The following SLC17A7 variants were observed in gnomAD, a reference collection of about 807,000 sequenced individuals.
SLC17A7 encodes vesicular glutamate transporter 1.
SLC17A7 carries 15 observed loss-of-function variants against 59.1 expected under a neutral mutation model. That is an observed-to-expected ratio of 0.25 (90% CI 0.17 to 0.39). SLC17A7 has a LOEUF of 0.39. Ranked by LOEUF, SLC17A7 falls within the 10% of genes least tolerant of loss-of-function variation. The pLI, the probability that SLC17A7 is intolerant of heterozygous loss-of-function variation, is 1.00. For missense variants in SLC17A7, 499 were observed against 765.1 expected, an observed-to-expected ratio of 0.65 and a Z score of 4.10; for synonymous variants, 353 against 308.9, an observed-to-expected ratio of 1.14 and a Z score of -1.50.
chr19:49,429,438 G>A lies in SLC17A7; in HGVS notation c.*1081C>T, dbSNP rs1490056861. 5.0e-6 allele frequency: 2 copies of A among 399,050 alleles called. No homozygotes were observed. Among genetic ancestry groups the A allele is most frequent in the Admixed American group, 4.4e-5 (1 of 22,706 alleles). The allele number at this position is 399,050 out of a possible 1,614,324, so 24.7% of individuals were successfully genotyped here. On this transcript the variant is annotated 3_prime_UTR_variant, in exon 12 of 12. Transcript: ENST00000221485. ...AAGCTTTTATTGGGAGTGGGGCAGG[G>A]CAGGATTTACAGTCACAGAGACAGA... is the stretch of plus-strand genomic sequence containing the variant.
intron 9 of SLC17A7, among the ~76,000 whole-genome samples, chr19:49,432,173 C>T (rs534246328): frequency 6.6e-6 from 1 of 152,308 alleles, no homozygotes; most frequent in Admixed American, 6.5e-5. Context: ...TCTCCAGGTG[C>T]CTTGCTCTTA....
Position 49,436,993 on chromosome 19 carries a change from C to T in SLC17A7, c.63-192G>A, listed in dbSNP as rs2078982405. 9 of 801,064 alleles carry T rather than the reference C, an allele frequency of 1.1e-5. No individual in the cohort carries two copies. In the East Asian group the frequency reaches 1.9e-4, roughly 17 times the overall value. The allele number at this position is 801,064 out of a possible 1,614,324, so 49.6% of individuals were successfully genotyped here. A position where few individuals can be genotyped will look rare whatever the true frequency, so the allele number is the denominator to read the frequency against. On this transcript the variant is annotated intron_variant, in intron 1 of 11. Coordinates refer to ENST00000221485, the MANE Select transcript of SLC17A7 (RefSeq NM_020309.4). This position sits in a 1 kb window ranked among gnomAD's most constrained non-coding sequence, Gnocchi z 4.1. ...CAGAAATCCTCCATCTCCCTCAGAC[C>T]GGGAATTCAGGCCCCCAGCCCCCTC...
chr19:49,435,293 G>A lies in SLC17A7; in HGVS notation c.316-7C>T, dbSNP rs2078975893. 6.2e-6 allele frequency: 10 copies of A among 1,604,546 alleles called. No individual in the cohort carries two copies. Among genetic ancestry groups the A allele is most frequent in the Non-Finnish European group, 8.5e-6 (10 of 1,171,536 alleles). On this transcript the variant is annotated splice_region_variant and splice_polypyrimidine_tract_variant and intron_variant, in intron 2 of 11. Coordinates refer to ENST00000221485, the MANE Select transcript of SLC17A7 (RefSeq NM_020309.4). Reference sequence around the variant, plus strand: ...CCCAGCTGAACTGGGCTTTCTGCGGGCCAAAATGTACATTAAATCAGCCGC... The same window carrying A: ...CCCAGCTGAACTGGGCTTTCTGCGGACCAAAATGTACATTAAATCAGCCGC...
At chr19:49,434,387 C>G (rs1054965834) in intron 5 of SLC17A7, among the ~76,000 whole-genome samples, 1 of 151,298 alleles carries the variant, frequency 6.6e-6, no homozygotes, top group Non-Finnish European at 1.5e-5. Context: ...CCCTCAGACC[C>G]AAGAGTCCAG....
At chr19:49,440,709 C>T in intron 1 of SLC17A7, among the ~76,000 whole-genome samples, 1 of 152,120 alleles carries the variant, frequency 6.6e-6, no homozygotes, top group East Asian at 1.9e-4. Context: ...CGGAAAAAGA[C>T]ACAGAGAGAC....
chr19:49,435,730 T>A (rs2078977474), intron 2 of SLC17A7: 1 of 158,244 alleles, frequency 6.3e-6, no homozygotes, highest in South Asian at 1.9e-4. Context: ...AAATCAGGAC[T>A]CTTTTCTGAT....
chr19:49,435,465 T>C, intron 2 of SLC17A7, 179 bp from the exon 3 acceptor site: 1 of 577,602 alleles, frequency 1.7e-6, no homozygotes, highest in Non-Finnish European at 3.1e-6. Flanking sequence ...CAAACTCCGC[T>C]CTTCCACGTT....
Position 49,434,877 on chromosome 19 carries a change from A to T in SLC17A7, c.440T>A (p.Phe147Tyr). 6.2e-7 allele frequency: 1 copy of T among 1,613,096 alleles called. No homozygotes were observed. Among genetic ancestry groups the T allele is most frequent in the South Asian group, 1.1e-5 (1 of 90,924 alleles). ...GGATGTTGCCACAATAGCAAAGCCG[A>T]AAACTCTGATGGGAAGGGTCAGAGA... The part of the protein sequence containing the change: ...ICQKFAANRV[F>Y]GFAIVATSTL... The change falls in exon 4 of 12, where the codon TTC becomes TAC. Residue 147 changes from phenylalanine to tyrosine, a missense_variant. Phe to Tyr is a conservative substitution (Grantham distance 22). Transcript: ENST00000221485.
Position 49,436,720 on chromosome 19 carries a change from G to A in SLC17A7, c.144C>T (p.Asp48=), listed in dbSNP as rs776209499. The A allele has an allele frequency of 6.2e-7, 1 of 1,612,426 alleles. No homozygotes were observed. Among genetic ancestry groups the A allele is most frequent in the Non-Finnish European group, 8.5e-7 (1 of 1,179,954 alleles). The change falls in exon 2 of 12, where the codon GAC becomes GAT. Residue 48 remains aspartate (D), a synonymous_variant. Transcript: ENST00000221485. The surrounding 1 kb of genome is among the most constrained non-coding windows in gnomAD (Gnocchi z 4.1). ...AGCAGGTGCAGTCCACCACCGGCGG[G>A]TCCCGGGTCTGCGTGGTCACCGGGC... ...DGRPVTTQTR[D]PPVVDCTCFG... is the part of the protein sequence containing the mutation.
chr19:49,430,547 C>G lies in SLC17A7; in HGVS notation c.1655G>C (p.Arg552Thr). 6.3e-7 allele frequency: 1 copy of G among 1,586,774 alleles called. No individual in the cohort carries two copies. The highest frequency in any genetic ancestry group is 1.4e-5 in the African/African-American group (1 of 73,060). Residue 552 changes from arginine (R) to threonine (T), a missense_variant, in exon 12 of 12, where the codon AGG (arginine) becomes ACG (threonine). By Grantham distance (71) the Arg-to-Thr change is moderately conservative. Coordinates refer to ENST00000221485, the MANE Select transcript of SLC17A7 (RefSeq NM_020309.4). ...GTAGTCCCGGACAGGGGGTGGGGGC[C>G]TGGGGGGCTGAAATGTGCTGTGTGT... Reference protein sequence around the residue: ...GATHSTFQPPRPPPPVRDY With the variant: ...GATHSTFQPPTPPPPVRDY
chr19:49,432,957 AC>A lies in SLC17A7; in HGVS notation c.870del (p.Lys290AsnfsTer51). The A allele has an allele frequency of 6.2e-7, 1 of 1,606,590 alleles. No individual in the cohort carries two copies. Among genetic ancestry groups the A allele is most frequent in the Non-Finnish European group, 8.5e-7 (1 of 1,176,844 alleles). On this transcript the variant is annotated frameshift_variant and splice_region_variant, in exon 8 of 12. Transcript: ENST00000221485. LOFTEE classifies it high-confidence loss of function. ...ESAKLMNPLT[K>X]FSTPWRRFFT... ...AAGAAGCGCCGCCAGGGAGTGCTAA[AC>A]TTCTGTGGGGGCGAGGGGAGGGCCG...
intron 1 of SLC17A7, 26 bp downstream of exon 1, chr19:49,441,292 T>G: frequency 1.2e-6 from 2 of 1,605,700 alleles, no homozygotes; most frequent in East Asian, 2.2e-5. Flanking sequence ...CTCCCACTCT[T>G]CTCCCGGGAC....
chr19:49,433,997 C>T lies in SLC17A7; in HGVS notation c.687G>A (p.Val229=), dbSNP rs1227937825. Residue 229 remains valine, a synonymous_variant, in exon 6 of 12, where the codon GTG becomes GTA. Coordinates refer to ENST00000221485, the MANE Select transcript of SLC17A7 (RefSeq NM_020309.4). This position sits in a 1 kb window ranked among gnomAD's most constrained non-coding sequence, Gnocchi z 5.7. ...VVAMPLAGVL[V]QYSGWSSVFY... The stretch of plus-strand genomic sequence containing the variant: ...AAACAGAGCTCCATCCTGAGTACTG[C>T]ACAAGGACCCCGGCGAGGGGCATCG... 6.2e-7 allele frequency: 1 copy of T among 1,613,494 alleles called. No homozygotes were observed. Among genetic ancestry groups the T allele is most frequent in the Non-Finnish European group, 8.5e-7 (1 of 1,179,958 alleles).
chr19:49,440,404 C>A (rs1386390197), intron 1 of SLC17A7, among the ~76,000 whole-genome samples: 1 of 152,140 alleles, frequency 6.6e-6, no homozygotes, highest in African/African-American at 2.4e-5. Flanking sequence ...TGACTTAGAG[C>A]CAAAGCTGGG....
In SLC17A7 at chr19:49,433,875, G is replaced by A. The variant is rs780679514; in HGVS notation, c.725-7C>T. The A allele has an allele frequency of 2.5e-6, 4 of 1,611,174 alleles. No homozygotes were observed. The highest frequency in any genetic ancestry group is 2.5e-6 in the Non-Finnish European group (3 of 1,178,008). On this transcript the variant is annotated splice_polypyrimidine_tract_variant and splice_region_variant and intron_variant, in intron 6 of 11. Coordinates refer to ENST00000221485, the MANE Select transcript of SLC17A7 (RefSeq NM_020309.4). This position sits in a 1 kb window ranked among gnomAD's most constrained non-coding sequence, Gnocchi z 5.7. The stretch of plus-strand genomic sequence containing the variant: ...CAGAAGATCCCGAAGCTGCCTGGGG[G>A]GGTCAGGAGGGGGATGGGAGCGAGG...
In SLC17A7 at chr19:49,433,804, G is replaced by A. The variant is rs971488971; in HGVS notation, c.789C>T (p.His263=). ...LLVSYESPAL[H]PSISEEERKY... is the part of the protein sequence containing the mutation. The stretch of plus-strand genomic sequence containing the variant: ...TGCGCTCCTCCTCCGAGATGCTGGG[G>A]TGCAGCGCGGGGGACTCGTAGGAGA... The change falls in exon 7 of 12, where the codon CAC becomes CAT. Residue 263 remains histidine (H), a synonymous_variant. Transcript: ENST00000221485. The surrounding 1 kb of genome is among the most constrained non-coding windows in gnomAD (Gnocchi z 5.7). 1.2e-5 allele frequency: 19 copies of A among 1,613,890 alleles called. No individual in the cohort carries two copies. The highest frequency in any genetic ancestry group is 1.4e-5 in the Non-Finnish European group (16 of 1,179,962).
chr19:49,432,782 C>T, intron 8 of SLC17A7, 29 bp downstream of exon 8: 8 of 1,586,328 alleles, frequency 5.0e-6, no homozygotes, highest in East Asian at 2.3e-5. Flanking sequence ...CCCCTCCGCG[C>T]CCCCCTGCCC....
In SLC17A7 at chr19:49,432,743, CG is replaced by C. The variant is rs2078965678; in HGVS notation, c.1017+67del. 4.4e-6 allele frequency: 7 copies of C among 1,598,574 alleles called. No homozygotes were observed. In the South Asian group the frequency reaches 7.8e-5, roughly 18 times the overall value. On this transcript the variant is annotated intron_variant, in intron 8 of 11. Coordinates refer to ENST00000221485, the MANE Select transcript of SLC17A7 (RefSeq NM_020309.4). ...GTGCACCACCGGCTCCTCCCTGCCT[CG>C]GGATCGCCGCCAGTTCCCTCCCGCC...
Position 49,436,598 on chromosome 19 carries a change from G to C in SLC17A7, c.266C>G (p.Ser89Cys). ...GTGGGTCGTGCTGTTATTGACCATGGAGACGATGGCCACGCCCAGGTTGCA... is the reference window on the plus strand; with the variant it reads ...GTGGGTCGTGCTGTTATTGACCATGCAGACGATGGCCACGCCCAGGTTGCA... Reference protein sequence around the residue: ...IRCNLGVAIVSMVNNSTTHRG... With the variant: ...IRCNLGVAIVCMVNNSTTHRG... Residue 89 changes from serine (S) to cysteine (C), a missense_variant, in exon 2 of 12, where the codon TCC becomes TGC. By Grantham distance (112) the Ser-to-Cys change is moderately radical (BLOSUM62 -1). Coordinates refer to ENST00000221485, the MANE Select transcript of SLC17A7 (RefSeq NM_020309.4). The surrounding 1 kb of genome is among the most constrained non-coding windows in gnomAD (Gnocchi z 4.1). 1 of 1,614,000 alleles carries C rather than the reference G, an allele frequency of 6.2e-7. No homozygotes were observed. The highest frequency in any genetic ancestry group is 8.5e-7 in the Non-Finnish European group (1 of 1,180,006).
Sources: allele counts gnomAD v4.1 joint callset (sites outside exome capture counted in the v4.1 genomes callset), GRCh38; gene constraint gnomAD v4.1.1; non-coding constraint Gnocchi (gnomAD v3.1); transcripts MANE v1.5; gene names NCBI Gene and HGNC (gene_info 2026-07-23, HGNC 2026-07-21).